Variants in ADCY9 observed in about 807,000 individuals in gnomAD.
ADCY9 encodes the protein adenylate cyclase 9.
Under a neutral mutation model 101.5 loss-of-function variants are expected in ADCY9, and 50 were observed. The observed-to-expected ratio is 0.49, with a 90% confidence interval of 0.39 to 0.62. ADCY9 has a LOEUF of 0.62. Among genes scored for constraint, ADCY9 ranks in the 20% least tolerant of loss-of-function variants. The pLI is 0.00. For missense variants in ADCY9, 1,662 were observed against 1,800.4 expected, an observed-to-expected ratio of 0.92 and a Z score of 1.39; for synonymous variants, 905 against 769.3, an observed-to-expected ratio of 1.18 and a Z score of -2.92.
chr16:4,093,457 G>A (rs1200508216), intron 2 of ADCY9, among the ~76,000 whole-genome samples: 2 of 152,112 alleles, frequency 1.3e-5, no homozygotes, highest in Non-Finnish European at 2.9e-5. Flanking sequence ...ATGGAATCAC[G>A]CCTTTCAGGA....
chr16:4,077,320 G>A (rs180976092), intron 2 of ADCY9, among the ~76,000 whole-genome samples: 14 of 152,234 alleles, frequency 9.2e-5, no homozygotes, highest in African/African-American at 2.9e-4. Flanking sequence ...GCAGATTCAC[G>A]AGGCCCAGGA....
chr16:4,098,843 G>A (rs1368566009), intron 2 of ADCY9, among the ~76,000 whole-genome samples: 2 of 152,058 alleles, frequency 1.3e-5, no homozygotes, highest in Admixed American at 6.6e-5. Flanking sequence ...CTGGGGGATG[G>A]AGTTTGCTGC....
Position 3,992,279 on chromosome 16 carries a change from G to A in ADCY9, c.2074C>T (p.Leu692=). 1 of 1,614,190 alleles carries A rather than the reference G, an allele frequency of 6.2e-7. No homozygotes were observed. Among genetic ancestry groups the A allele is most frequent in the Non-Finnish European group, 8.5e-7 (1 of 1,180,038 alleles). Residue 692 remains leucine, a synonymous_variant, in exon 5 of 11, where the codon CTG becomes TTG. Coordinates refer to ENST00000294016, the MANE Select transcript of ADCY9 (RefSeq NM_001116.4). The surrounding 1 kb of genome is among the most constrained non-coding windows in gnomAD (Gnocchi z 4.2). ...CCCTTCTCCTGCAAGATCTCACACA[G>A]AGAAGTCTGACTGTTGGTGAGCTTC... ...EEKLTNSQTS[L]CEILQEKGRW... is the part of the protein sequence containing the mutation.
intron 2 of ADCY9, among the ~76,000 whole-genome samples, chr16:4,050,686 C>T (rs2056695323): frequency 9.2e-6 from 1 of 108,396 alleles, no homozygotes; most frequent in Non-Finnish European, 1.7e-5. Context: ...GCATGCCAGT[C>T]TTGGCAACAA....
At chr16:4,093,715 C>T (rs1448441501) in intron 2 of ADCY9, among the ~76,000 whole-genome samples, 3 of 152,254 alleles carry the variant, frequency 2.0e-5, no homozygotes, top group East Asian at 3.9e-4. Flanking sequence ...GCTGAGATCA[C>T]GTCACTGCAC....
intron 2 of ADCY9, among the ~76,000 whole-genome samples, chr16:4,071,607 G>A (rs1023502415): frequency 7.9e-5 from 12 of 152,088 alleles, no homozygotes; most frequent in Admixed American, 4.6e-4. Context: ...GGAAACTGGA[G>A]AAAGAAAAAT....
chr16:3,979,375 C>G lies in ADCY9; in HGVS notation c.2520-100G>C, dbSNP rs2056121331. ...CGCAGCCAGCGCCGCCCTCTGCTCT[C>G]TCCCGTGTTGCCCCTGGGATGGGCG... On this transcript the variant is annotated intron_variant, in intron 7 of 10. Coordinates refer to ENST00000294016, the MANE Select transcript of ADCY9 (RefSeq NM_001116.4). The G allele has an allele frequency of 2.1e-6, 3 of 1,400,626 alleles. No individual in the cohort carries two copies. The African/African-American group carries it at 4.2e-5, about 20-fold the overall frequency. The allele number at this position is 1,400,626 out of a possible 1,614,324, so 86.8% of individuals were successfully genotyped here. A position where few individuals can be genotyped will look rare whatever the true frequency, so the allele number is the denominator to read the frequency against.
At chr16:4,100,131 G>A (rs1182881725) in intron 2 of ADCY9, among the ~76,000 whole-genome samples, 1 of 152,046 alleles carries the variant, frequency 6.6e-6, no homozygotes. Flanking sequence ...CACGAGACCT[G>A]ATGGTTTAAA....
intron 2 of ADCY9, among the ~76,000 whole-genome samples, chr16:4,083,336 A>G (rs1260461171): frequency 6.6e-6 from 1 of 152,176 alleles, no homozygotes; most frequent in Non-Finnish European, 1.5e-5. Context: ...TAGTGTGGCT[A>G]TAATAAAAAA....
At chr16:4,091,995 A>G (rs536691494) in intron 2 of ADCY9, among the ~76,000 whole-genome samples, 8 of 152,344 alleles carry the variant, frequency 5.3e-5, no homozygotes, top group African/African-American at 1.7e-4. Context: ...CAGGCTGGGT[A>G]CTGTGGCTCA....
chr16:4,007,701 A>G lies in ADCY9; in HGVS notation c.1694-143T>C, dbSNP rs184361819. On this transcript the variant is annotated intron_variant, in intron 2 of 10. Transcript: ENST00000294016. ...GTGAATAGGTCATAGTTTACGACGGACGTCCACGATCTCTCCAGAGAGATG... is the reference window on the plus strand; with the variant it reads ...GTGAATAGGTCATAGTTTACGACGGGCGTCCACGATCTCTCCAGAGAGATG... 2.9e-4 allele frequency: 190 copies of G among 652,010 alleles called. 1 individual carries two copies. The African/African-American group carries it at 3.1e-3, about 11-fold the overall frequency. 40.4% of individuals were successfully genotyped at this position (652,010 alleles called of 1,614,324 possible). A position where few individuals can be genotyped will look rare whatever the true frequency, so the allele number is the denominator to read the frequency against.
Position 3,992,331 on chromosome 16 carries a change from G to T in ADCY9, c.2022C>A (p.Asn674Lys), listed in dbSNP as rs112278827. Reference sequence around the variant, plus strand: ...CCTCTTGGGGAGGGCTGAGGAGCCCGTTCTGAGTTTTGGGATTAGGTCCTC... The same window carrying T: ...CCTCTTGGGGAGGGCTGAGGAGCCCTTTCTGAGTTTTGGGATTAGGTCCTC... ...ASGGPNPKTQNGLLSPPQEEK... is the reference protein window; with the variant it reads ...ASGGPNPKTQKGLLSPPQEEK... The change falls in exon 5 of 11, where the codon AAC becomes AAA. Residue 674 changes from asparagine to lysine, a missense_variant. By Grantham distance (94) the Asn-to-Lys change is moderately conservative. This residue lies in a region of ADCY9 where 624 missense variants were observed against 639.1 expected (regional missense o/e 0.98). Coordinates refer to ENST00000294016, the MANE Select transcript of ADCY9 (RefSeq NM_001116.4). This position sits in a 1 kb window ranked among gnomAD's most constrained non-coding sequence, Gnocchi z 4.2. 6.2e-7 allele frequency: 1 copy of T among 1,614,064 alleles called. No individual in the cohort carries two copies. Among genetic ancestry groups the T allele is most frequent in the Admixed American group, 1.7e-5 (1 of 60,012 alleles).
At chr16:4,070,122 G>A (rs1251099694) in intron 2 of ADCY9, among the ~76,000 whole-genome samples, 1 of 32,580 alleles carries the variant, frequency 3.1e-5, no homozygotes, top group Non-Finnish European at 8.6e-5. Flanking sequence ...GTGTGTGTAT[G>A]TGTGTGTGTG....
At chr16:3,960,490 C>G (rs2055931393), downstream of ADCY9, among the ~76,000 whole-genome samples, 1 of 152,162 alleles carries the variant, frequency 6.6e-6, no homozygotes, top group African/African-American at 2.4e-5. Flanking sequence ...CCACTGCACT[C>G]CAGCCTGGGC....
chr16:4,026,409 C>A (rs2056515321), intron 2 of ADCY9, among the ~76,000 whole-genome samples: 1 of 113,984 alleles, frequency 8.8e-6, no homozygotes, highest in Admixed American at 1.3e-4. Flanking sequence ...GAGCCAACAA[C>A]AGCAAGACTC....
rs2056118281 is a variant in ADCY9 at position 3,979,139 on chromosome 16, A to C, written c.2656T>G (p.Ser886Ala). The C allele has an allele frequency of 6.2e-7, 1 of 1,614,158 alleles. No homozygotes were observed. The highest frequency in any genetic ancestry group is 1.3e-5 in the African/African-American group (1 of 75,030). ...ACGTGTATGTTGGTCTCATATTCGG[A>C]GGTGACATGGGAGTAGACGGCCAGT... ...PALAVYSHVTSEYETNIHFPV... is the reference protein window; with the variant it reads ...PALAVYSHVTAEYETNIHFPV... The change falls in exon 8 of 11, where the codon TCC becomes GCC. Residue 886 changes from serine to alanine, a missense_variant. Coordinates refer to ENST00000294016, the MANE Select transcript of ADCY9 (RefSeq NM_001116.4).
chr16:3,993,324 G>A (rs779785822), intron 4 of ADCY9, 82 bp downstream of exon 4: 4 of 1,579,676 alleles, frequency 2.5e-6, no homozygotes, highest in Non-Finnish European at 3.5e-6. Flanking sequence ...TCAGAACTAA[G>A]AAGTCGACAA....
Position 3,965,453 on chromosome 16 carries a change from T to TACCCAAAGTCTAA in ADCY9, c.*321_*322insTTAGACTTTGGGT. The TACCCAAAGTCTAA allele has an allele frequency of 2.8e-6, 1 of 351,126 alleles. No individual in the cohort carries two copies. Among genetic ancestry groups the TACCCAAAGTCTAA allele is most frequent in the Non-Finnish European group, 5.2e-6 (1 of 193,888 alleles). The allele number at this position is 351,126 out of a possible 1,614,324, so 21.8% of individuals were successfully genotyped here. A position where few individuals can be genotyped will look rare whatever the true frequency, so the allele number is the denominator to read the frequency against. On this transcript the variant is annotated 3_prime_UTR_variant, in exon 11 of 11. Coordinates refer to ENST00000294016, the MANE Select transcript of ADCY9 (RefSeq NM_001116.4). ...CACAGCTTTTGTTCTAAAAGTCAAATAATACCCAAAGCCATGATCTCCACT... is the reference window on the plus strand; with the variant it reads ...CACAGCTTTTGTTCTAAAAGTCAAATACCCAAAGTCTAAAATACCCAAAGCCATGATCTCCACT...
intron 3 of ADCY9, among the ~76,000 whole-genome samples, chr16:4,003,626 A>T (rs1408772448): frequency 1.4e-5 from 2 of 140,104 alleles, no homozygotes; most frequent in African/African-American, 5.4e-5. Context: ...GTGCAGTGGC[A>T]TCATCACAGC....
Sources: gnomAD v4.1 joint callset for allele counts (sites outside exome capture counted in the v4.1 genomes callset) on GRCh38, gnomAD v4.1.1 for gene constraint, gnomAD v4.1.1 regional missense constraint, Gnocchi (gnomAD v3.1) non-coding constraint, MANE v1.5 for transcripts, NCBI Gene and HGNC (gene_info 2026-07-23, HGNC 2026-07-21) for gene names.